Variants in FIG4 observed in about 807,000 individuals in gnomAD.
FIG4 encodes polyphosphoinositide phosphatase.
In FIG4, 112 loss-of-function variants were observed where a neutral mutation model predicts 118.6. That is an observed-to-expected ratio of 0.94 (90% CI 0.81 to 1.11). The LOEUF (loss-of-function observed/expected upper bound fraction) is 1.11. Among genes scored for constraint, FIG4 ranks in the 50% least tolerant of loss-of-function variants. The probability of loss-of-function intolerance (pLI) is 0.00; values close to 1 mark genes in which losing one functional copy is unlikely to be tolerated. For missense variants in FIG4, 969 were observed against 1,111.7 expected (o/e 0.87, Z 1.83); for synonymous variants, 369 against 381.2 (o/e 0.97, Z 0.37).
At chr6:109,797,616 C>T (rs556902703) in intron 22 of FIG4, among the ~76,000 whole-genome samples, 32 of 152,048 alleles carry the variant, frequency 2.1e-4, no homozygotes, top group African/African-American at 7.0e-4. Flanking sequence ...TCACTGTGGG[C>T]GGGGCATGGT....
chr6:109,756,189 C>G (rs556245980), intron 10 of FIG4, among the ~76,000 whole-genome samples: 1 of 152,020 alleles, frequency 6.6e-6, no homozygotes, highest in South Asian at 2.1e-4. Flanking sequence ...TTCTCCTTTA[C>G]TTATGAAGCT....
intron 1 of FIG4, among the ~76,000 whole-genome samples, chr6:109,706,412 C>T (rs753994454): frequency 1.3e-5 from 2 of 152,176 alleles, no homozygotes; most frequent in Non-Finnish European, 2.9e-5. Context: ...CCTGTGTTCT[C>T]ATGGCATCTA....
intron 7 of FIG4, 103 bp downstream of exon 7, chr6:109,738,556 G>T: frequency 8.8e-7 from 1 of 1,131,150 alleles, no homozygotes; most frequent in Non-Finnish European, 1.3e-6. Context: ...ACCACTCTGT[G>T]CACCCCAACA....
At chr6:109,699,825 A>G (rs986888047) in intron 1 of FIG4, among the ~76,000 whole-genome samples, 2 of 152,046 alleles carry the variant, frequency 1.3e-5, no homozygotes, top group Non-Finnish European at 2.9e-5. Flanking sequence ...TTTTGGATTA[A>G]TCAGTGTCTT....
At position 109,786,565 on chromosome 6, in the gene FIG4, A is replaced by G; in HGVS notation, c.2096+116A>G. ...TCTGTAGGCCTTCTGTCAGGTGGGT[A>G]GTCCACCTTTGAATACCTCCTGTGA... On this transcript the variant is annotated intron_variant, in intron 18 of 22. Coordinates refer to ENST00000230124, the MANE Select transcript of FIG4 (RefSeq NM_014845.6). 7.0e-6 allele frequency: 8 copies of G among 1,139,052 alleles called. No individual in the cohort carries two copies. In the South Asian group the frequency reaches 9.9e-5, roughly 14 times the overall value. The allele number at this position is 1,139,052 out of a possible 1,614,324, so 70.6% of individuals were successfully genotyped here.
intron 1 of FIG4, among the ~76,000 whole-genome samples, chr6:109,708,061 TG>T (rs1775144158): frequency 1.3e-5 from 2 of 151,818 alleles, no homozygotes; most frequent in South Asian, 4.2e-4. Context: ...ACCTGTGTCA[TG>T]GGGGTTTGTT....
At chr6:109,794,010 T>C (rs1375507736) in intron 21 of FIG4, among the ~76,000 whole-genome samples, 1 of 152,200 alleles carries the variant, frequency 6.6e-6, no homozygotes, top group Non-Finnish European at 1.5e-5. Flanking sequence ...GCCTGAAGAA[T>C]GAATTATCTG....
intron 21 of FIG4, among the ~76,000 whole-genome samples, chr6:109,795,594 C>CCTT (rs1778262887): frequency 2.4e-5 from 1 of 42,398 alleles, no homozygotes; most frequent in Non-Finnish European, 6.0e-5. Context: ...TGGTTTCAGT[C>CCTT]CTTTTTTTTT....
intron 3 of FIG4, among the ~76,000 whole-genome samples, chr6:109,723,633 G>C (rs62437561): frequency 1.1e-3 from 169 of 152,312 alleles, no homozygotes; most frequent in Non-Finnish European, 2.1e-3. Flanking sequence ...GGCTTCCAAT[G>C]CTGCATGATT....
intron 1 of FIG4, among the ~76,000 whole-genome samples, chr6:109,709,966 G>A (rs112741851): frequency 7.9e-5 from 12 of 152,126 alleles, no homozygotes; most frequent in African/African-American, 2.4e-4. Flanking sequence ...TCTCTTGCCC[G>A]ATTACCCTGA....
chr6:109,694,054 C>G (rs1243487443), intron 1 of FIG4, among the ~76,000 whole-genome samples: 1 of 151,742 alleles, frequency 6.6e-6, no homozygotes, highest in Non-Finnish European at 1.5e-5. Flanking sequence ...TCAAAATATT[C>G]TACATATATT....
At chr6:109,753,081 T>C (rs1414007397) in intron 10 of FIG4, among the ~76,000 whole-genome samples, 2 of 152,174 alleles carry the variant, frequency 1.3e-5, no homozygotes, top group African/African-American at 2.4e-5. Flanking sequence ...CCCAGCACCA[T>C]TTATTAAATA....
chr6:109,821,434 C>G (rs1224376159), intron 22 of FIG4, among the ~76,000 whole-genome samples: 1 of 152,122 alleles, frequency 6.6e-6, no homozygotes, highest in Non-Finnish European at 1.5e-5. Flanking sequence ...AAATAACATT[C>G]CTACAGACAA....
intron 22 of FIG4, among the ~76,000 whole-genome samples, chr6:109,802,599 T>A (rs576778075): frequency 1.3e-5 from 2 of 152,368 alleles, no homozygotes; most frequent in Admixed American, 6.5e-5. Flanking sequence ...CTTCACTGTT[T>A]GGATTTATAT....
intron 1 of FIG4, among the ~76,000 whole-genome samples, chr6:109,695,579 TACACACACACACACACACACAGACAC>T (rs1183665246): frequency 8.7e-5 from 13 of 148,730 alleles, no homozygotes; most frequent in Non-Finnish European, 1.6e-4. Flanking sequence ...ATGCAGTGAA[TACACACACACACACACACACAGACAC>T]ACACACACAC....
chr6:109,716,317 G>A (rs151228157), intron 2 of FIG4, 128 bp from the exon 3 acceptor site: 5 of 894,454 alleles, frequency 5.6e-6, no homozygotes, highest in Non-Finnish European at 8.7e-6. Context: ...GCTTACTTGT[G>A]TACTATTATA....
At chr6:109,713,131 G>A (rs1249834311) in intron 1 of FIG4, among the ~76,000 whole-genome samples, 1 of 152,200 alleles carries the variant, frequency 6.6e-6, no homozygotes, top group Admixed American at 6.5e-5. Context: ...TGTAGTGACT[G>A]CTGGTCACTA....
chr6:109,730,133 T>C (rs981412305), intron 4 of FIG4, among the ~76,000 whole-genome samples: 1 of 151,978 alleles, frequency 6.6e-6, no homozygotes, highest in African/African-American at 2.4e-5. Flanking sequence ...ACTGCAGCTT[T>C]GAACTCCTGG....
At chr6:109,693,734 G>T (rs562599129) in intron 1 of FIG4, among the ~76,000 whole-genome samples, 3 of 152,264 alleles carry the variant, frequency 2.0e-5, no homozygotes, top group Admixed American at 6.5e-5. Flanking sequence ...TCATGGCCAG[G>T]GGGGGTCTGG....
Sources: allele counts gnomAD v4.1 joint callset (sites outside exome capture counted in the v4.1 genomes callset), GRCh38; gene constraint gnomAD v4.1.1; transcripts MANE v1.5; gene names NCBI Gene and HGNC (gene_info 2026-07-23, HGNC 2026-07-21).